The following TRAM2 variants were observed in gnomAD, a reference collection of about 807,000 sequenced individuals.
TRAM2 encodes translocation associated membrane protein 2.
In TRAM2, 12 loss-of-function variants were observed where a neutral mutation model predicts 51.0. That is an observed-to-expected ratio of 0.24 (90% CI 0.15 to 0.38). The LOEUF is 0.38. Among genes scored for constraint, TRAM2 ranks in the 10% least tolerant of loss-of-function variants. TRAM2 has a pLI of 1.00. For synonymous variants in TRAM2, 175 were observed against 179.4 expected (o/e 0.98, Z 0.20); for missense variants, 361 against 462.0 (o/e 0.78, Z 2.00).
intron 7 of TRAM2, 97 bp downstream of exon 7, chr6:52,507,456 G>A (rs1456674454): frequency 8.0e-7 from 1 of 1,243,668 alleles, no homozygotes; most frequent in Admixed American, 1.9e-5. Context: ...GGCACACAGA[G>A]GATGTCAACA....
intron 1 of TRAM2, among the ~76,000 whole-genome samples, chr6:52,557,022 T>G (rs2114100972): frequency 6.6e-6 from 1 of 151,998 alleles, no homozygotes; most frequent in South Asian, 2.1e-4. Flanking sequence ...GGCAAAACCC[T>G]GTCTCTACTA....
intron 8 of TRAM2, 27 bp downstream of exon 8, chr6:52,506,005 G>A (rs111829425): frequency 5.6e-6 from 9 of 1,610,692 alleles, no homozygotes; most frequent in African/African-American, 4.0e-5. Flanking sequence ...GCCTCTAAGC[G>A]GGCCAGCCTG....
intron 1 of TRAM2, among the ~76,000 whole-genome samples, chr6:52,557,853 C>T (rs1767436219): frequency 6.6e-6 from 1 of 152,174 alleles, no homozygotes; most frequent in African/African-American, 2.4e-5. Context: ...TAGTTTTACA[C>T]ATACCCCTAA....
chr6:52,517,067 A>C, intron 2 of TRAM2: 1 of 251,766 alleles, frequency 4.0e-6, no homozygotes, highest in South Asian at 5.8e-5. Context: ...TCACTCCCTA[A>C]CTGTGTGACT....
At position 52,506,105 on chromosome 6, in the gene TRAM2, G is replaced by T. The variant is rs893253877; in HGVS notation, c.658C>A (p.Leu220Met). ...LSRLGLILLL[L>M]QYSTEFLFHT... ...AAGAGGAACTCAGTTGAGTACTGCA[G>T]CAGCAGCAAGATCAGGCCCAGGCGG... Residue 220 changes from leucine to methionine, a missense_variant, in exon 8 of 11, where the codon CTG becomes ATG. By Grantham distance (15) the Leu-to-Met change is conservative. Coordinates refer to ENST00000182527, the MANE Select transcript of TRAM2 (RefSeq NM_012288.4). The T allele has an allele frequency of 6.2e-7, 1 of 1,614,122 alleles. No individual in the cohort carries two copies. The highest frequency in any genetic ancestry group is 1.3e-5 in the African/African-American group (1 of 75,066).
chr6:52,535,701 G>T, intron 2 of TRAM2, 82 bp downstream of exon 2: 7 of 1,284,148 alleles, frequency 5.5e-6, no homozygotes, highest in Non-Finnish European at 6.6e-6. Context: ...AAAAAAAATT[G>T]TACACAGATG....
intron 1 of TRAM2, among the ~76,000 whole-genome samples, chr6:52,569,109 G>A (rs1423428383): frequency 6.6e-6 from 1 of 152,172 alleles, no homozygotes; most frequent in Non-Finnish European, 1.5e-5. Context: ...AGAAATAAAT[G>A]CAGGGCCAGG....
At chr6:52,564,466 C>A (rs1267178433) in intron 1 of TRAM2, among the ~76,000 whole-genome samples, 1 of 152,180 alleles carries the variant, frequency 6.6e-6, no homozygotes, top group Non-Finnish European at 1.5e-5. Flanking sequence ...GCCATATTCC[C>A]CCTGCGCCCA....
chr6:52,569,678 G>C (rs529198369), intron 1 of TRAM2, among the ~76,000 whole-genome samples: 7 of 151,986 alleles, frequency 4.6e-5, no homozygotes, highest in Non-Finnish European at 7.4e-5. Context: ...CTCACATCAA[G>C]TTTAAGACCT....
At chr6:52,513,942 C>T (rs957836072) in intron 4 of TRAM2, among the ~76,000 whole-genome samples, 6 of 152,168 alleles carry the variant, frequency 3.9e-5, no homozygotes, top group Admixed American at 6.5e-5. Flanking sequence ...CTATACAGAT[C>T]GAGGTTTCTC....
intron 1 of TRAM2, among the ~76,000 whole-genome samples, chr6:52,570,805 C>CG (rs1554267137): frequency 7.0e-6 from 1 of 142,036 alleles, no homozygotes; most frequent in Non-Finnish European, 1.5e-5. Flanking sequence ...ACCCCCCCCC[C>CG]CACACGCACA....
chr6:52,516,218 ATCGTTAG>A, intron 3 of TRAM2, 96 bp from the exon 4 acceptor site: 1 of 1,170,744 alleles, frequency 8.5e-7, no homozygotes, highest in Non-Finnish European at 1.2e-6. Context: ...AGGGTTGAAC[ATCGTTAG>A]AAGTTTGCAG....
intron 2 of TRAM2, among the ~76,000 whole-genome samples, chr6:52,521,835 G>A (rs1381199775): frequency 1.3e-5 from 2 of 152,194 alleles, no homozygotes; most frequent in African/African-American, 4.8e-5. Flanking sequence ...TCGTGCATGA[G>A]CTCTCAAAAA....
intron 1 of TRAM2, among the ~76,000 whole-genome samples, chr6:52,537,704 C>T (rs940952354): frequency 1.5e-5 from 2 of 130,762 alleles, no homozygotes; most frequent in African/African-American, 3.0e-5. Flanking sequence ...TCCTCACAGT[C>T]CCACAGGCAG....
chr6:52,573,805 C>T (rs1274352036), intron 1 of TRAM2, among the ~76,000 whole-genome samples: 1 of 151,974 alleles, frequency 6.6e-6, no homozygotes, highest in Non-Finnish European at 1.5e-5. Context: ...GAAAGAGCAA[C>T]GCAGGGATGC....
chr6:52,534,179 C>T (rs930191381), intron 2 of TRAM2, among the ~76,000 whole-genome samples: 2 of 150,964 alleles, frequency 1.3e-5, no homozygotes, highest in Non-Finnish European at 2.9e-5. Context: ...GTCGGAAGTT[C>T]GAGACCAGCC....
intron 2 of TRAM2, chr6:52,523,174 GC>G: frequency 2.5e-6 from 1 of 394,354 alleles, no homozygotes; most frequent in East Asian, 3.8e-5. Flanking sequence ...TGTGCCAAGA[GC>G]CAACTCTGTT....
chr6:52,554,535 A>AAAAG (rs1438590193), intron 1 of TRAM2, among the ~76,000 whole-genome samples: 26 of 146,614 alleles, frequency 1.8e-4, no homozygotes, highest in South Asian at 4.4e-4. Flanking sequence ...AAAAAAAAAA[A>AAAAG]AAAGAAAGAA....
At chr6:52,513,726 G>T (rs1289963247) in intron 4 of TRAM2, among the ~76,000 whole-genome samples, 1 of 152,150 alleles carries the variant, frequency 6.6e-6, no homozygotes, top group Non-Finnish European at 1.5e-5. Flanking sequence ...GCAGGGCCCA[G>T]ATCACATGAA....
Sources: gnomAD v4.1 joint callset for allele counts (sites outside exome capture counted in the v4.1 genomes callset) on GRCh38, gnomAD v4.1.1 for gene constraint, MANE v1.5 for transcripts, NCBI Gene and HGNC (gene_info 2026-07-23, HGNC 2026-07-21) for gene names.